The following PDE3A variants were observed in gnomAD, a reference collection of about 807,000 sequenced individuals.
PDE3A encodes the protein phosphodiesterase 3A.
A neutral mutation model predicts 98.3 loss-of-function variants in PDE3A; 43 were observed. That is an observed-to-expected ratio of 0.44 (90% CI 0.34 to 0.56). The LOEUF (loss-of-function observed/expected upper bound fraction) is 0.56. PDE3A is among the 20% of genes least tolerant of loss of function. PDE3A has a pLI of 0.01. For missense variants in PDE3A, 1,427 were observed against 1,440.7 expected (o/e 0.99, Z 0.15); for synonymous variants, 663 against 567.9 (o/e 1.17, Z -2.38).
intron 15 of PDE3A, among the ~76,000 whole-genome samples, chr12:20,679,746 A>G (rs898577021): frequency 1.3e-5 from 2 of 151,884 alleles, no homozygotes; most frequent in African/African-American, 2.4e-5. Flanking sequence ...AGAATCTTGC[A>G]CTGAACATTG....
intron 2 of PDE3A, chr12:20,572,008 G>A: frequency 1.8e-6 from 2 of 1,110,280 alleles, no homozygotes; most frequent in Non-Finnish European, 2.2e-6. Flanking sequence ...GTGTGGCCTT[G>A]CTTTTAATTG....
intron 1 of PDE3A, among the ~76,000 whole-genome samples, chr12:20,403,622 G>A (rs73235853): frequency 1.3e-5 from 2 of 152,100 alleles, no homozygotes; most frequent in African/African-American, 2.4e-5. Flanking sequence ...TAAAGAGAAT[G>A]AAGTCATTTA....
At chr12:20,490,205 A>G (rs1188450020) in intron 1 of PDE3A, among the ~76,000 whole-genome samples, 1 of 152,180 alleles carries the variant, frequency 6.6e-6, no homozygotes, top group Non-Finnish European at 1.5e-5. Flanking sequence ...TTAGGTGCTA[A>G]TATAAAACAT....
intron 2 of PDE3A, among the ~76,000 whole-genome samples, chr12:20,609,187 C>T (rs1431287918): frequency 6.6e-6 from 1 of 151,872 alleles, no homozygotes; most frequent in African/African-American, 2.4e-5. Context: ...TCTACACGCA[C>T]AAAAATTGTT....
intron 1 of PDE3A, among the ~76,000 whole-genome samples, chr12:20,413,231 GA>G (rs1287329468): frequency 3.3e-5 from 5 of 152,200 alleles, no homozygotes; most frequent in African/African-American, 1.2e-4. Context: ...CTTGAAAGTT[GA>G]GCAGGAGGTA....
At chr12:20,478,180 G>A (rs571536878) in intron 1 of PDE3A, among the ~76,000 whole-genome samples, 3 of 152,182 alleles carry the variant, frequency 2.0e-5, no homozygotes, top group South Asian at 4.1e-4. Flanking sequence ...GTGTTCTTAG[G>A]AATAGGGATG....
intron 2 of PDE3A, among the ~76,000 whole-genome samples, chr12:20,590,054 G>A (rs1943298481): frequency 6.6e-6 from 1 of 151,974 alleles, no homozygotes; most frequent in African/African-American, 2.4e-5. Flanking sequence ...AAGGCCACTG[G>A]CTTGAGTGAT....
intron 1 of PDE3A, among the ~76,000 whole-genome samples, chr12:20,492,526 A>G (rs1169953670): frequency 2.6e-5 from 4 of 152,092 alleles, no homozygotes; most frequent in African/African-American, 7.2e-5. Context: ...TGATGAGGCA[A>G]CCTGGGTGCC....
intron 1 of PDE3A, among the ~76,000 whole-genome samples, chr12:20,547,998 A>G (rs1942099264): frequency 6.6e-6 from 1 of 152,082 alleles, no homozygotes. Context: ...CTTGGAGCTA[A>G]GTACTGTGTA....
intron 15 of PDE3A, among the ~76,000 whole-genome samples, chr12:20,675,306 G>T (rs1945607079): frequency 6.6e-6 from 1 of 152,130 alleles, no homozygotes; most frequent in South Asian, 2.1e-4. Context: ...TTTAAAAAAT[G>T]TTTTGAGACT....
Position 20,684,802 on chromosome 12 carries a change from T to C in PDE3A, c.*4531T>C, listed in dbSNP as rs1945907848. 6.6e-6 allele frequency among the ~76,000 whole-genome samples: 1 copy of C among 152,258 alleles called. No homozygotes were observed. Among genetic ancestry groups the C allele is most frequent in the African/African-American group, 2.4e-5 (1 of 41,478 alleles). Reference sequence around the variant, plus strand: ...CATCAATTTGTTCATCTGGAAGATATTCAAATTCTTATTGGGAATGAATTA... The same window carrying C: ...CATCAATTTGTTCATCTGGAAGATACTCAAATTCTTATTGGGAATGAATTA... On this transcript the variant is annotated 3_prime_UTR_variant, in exon 16 of 16. Transcript: ENST00000359062.
chr12:20,454,436 C>G (rs557537686), intron 1 of PDE3A, among the ~76,000 whole-genome samples: 20 of 152,148 alleles, frequency 1.3e-4, no homozygotes, highest in African/African-American at 4.3e-4. Flanking sequence ...TTAACTAGAA[C>G]GTAAGCTCAG....
At chr12:20,648,570 C>T (rs910273417) in intron 12 of PDE3A, 118 bp from the exon 13 acceptor site, 23 of 691,814 alleles carry the variant, frequency 3.3e-5, no homozygotes, top group Non-Finnish European at 4.5e-5. Flanking sequence ...GCAGGAGTTA[C>T]GTGATTACAT....
chr12:20,525,268 G>A (rs1946495854), intron 1 of PDE3A, among the ~76,000 whole-genome samples: 1 of 152,152 alleles, frequency 6.6e-6, no homozygotes, highest in South Asian at 2.1e-4. Flanking sequence ...AGGTCACCCA[G>A]GAAGTGTGCT....
chr12:20,386,134 T>A (rs1446780587), intron 1 of PDE3A, among the ~76,000 whole-genome samples: 1 of 79,738 alleles, frequency 1.3e-5, no homozygotes, highest in Non-Finnish European at 2.1e-5. Flanking sequence ...TATATATAAA[T>A]ATATATAAAT....
chr12:20,653,888 C>T (rs891762946), intron 14 of PDE3A, 59 bp from the exon 15 acceptor site: 29 of 1,570,386 alleles, frequency 1.8e-5, no homozygotes, highest in Non-Finnish European at 2.3e-5. Flanking sequence ...TGGGGTTTTA[C>T]ATATTTACAA....
At position 20,551,685 on chromosome 12, in the gene PDE3A, T is replaced by G. The variant is rs1264914686; in HGVS notation, c.961-4975T>G. 3.7e-6 allele frequency: 6 copies of G among 1,610,702 alleles called. No homozygotes were observed. The East Asian group carries it at 8.9e-5, about 24-fold the overall frequency. On this transcript the variant is annotated intron_variant, in intron 1 of 15. Coordinates refer to ENST00000359062, the MANE Select transcript of PDE3A (RefSeq NM_000921.5). ...GCCTGGACCCGCCCCTCAGCAGTGT[T>G]CCCAGCGAGGACGAGTGGTACTGCC...
In PDE3A at chr12:20,409,017, T is replaced by A. The variant is rs193281316; in HGVS notation, c.960+38773T>A. ...TTTCTTCTGGAAATGGGAATTTTTT[T>A]AATGAAATTTCATGCAAATTCAATG... On this transcript the variant is annotated intron_variant, in intron 1 of 15. Transcript: ENST00000359062. 7.9e-5 allele frequency among the ~76,000 whole-genome samples: 12 copies of A among 152,294 alleles called. No individual in the cohort carries two copies. The East Asian group carries it at 1.7e-3, about 22-fold the overall frequency.
intron 12 of PDE3A, 105 bp from the exon 13 acceptor site, chr12:20,648,583 C>A (rs559704156): frequency 6.8e-6 from 5 of 740,268 alleles, no homozygotes; most frequent in Admixed American, 1.9e-5. Flanking sequence ...GATTACATTT[C>A]TTTGTTGTAT....
Sources: gnomAD v4.1 joint callset for allele counts (sites outside exome capture counted in the v4.1 genomes callset) on GRCh38, gnomAD v4.1.1 for gene constraint, MANE v1.5 for transcripts, NCBI Gene and HGNC (gene_info 2026-07-23, HGNC 2026-07-21) for gene names.